Variants in NRXN3 observed in about 807,000 individuals in gnomAD.
NRXN3 encodes the protein neurexin 3.
A neutral mutation model predicts 137.6 loss-of-function variants in NRXN3; 32 were observed. That is an observed-to-expected ratio of 0.23 (90% CI 0.18 to 0.31). The LOEUF is 0.31. Ranked by LOEUF, NRXN3 falls within the 10% of genes least tolerant of loss-of-function variation. The pLI is 1.00. For synonymous variants in NRXN3, 798 were observed against 784.5 expected (o/e 1.02, Z -0.29); for missense variants, 1,574 against 2,062.5 (o/e 0.76, Z 4.59).
At chr14:78,625,779 A>G (rs558689450) in intron 4 of NRXN3, among the ~76,000 whole-genome samples, 6 of 152,314 alleles carry the variant, frequency 3.9e-5, no homozygotes, top group African/African-American at 1.4e-4. Context: ...GAAGGCATCA[A>G]TTGATGGATC....
At chr14:78,991,017 T>C (rs1435517876) in intron 15 of NRXN3, among the ~76,000 whole-genome samples, 1 of 152,210 alleles carries the variant, frequency 6.6e-6, no homozygotes, top group African/African-American at 2.4e-5. Flanking sequence ...CTTACCTTTG[T>C]TGATAAATTT....
chr14:78,536,173 G>A (rs1438391736), intron 4 of NRXN3, among the ~76,000 whole-genome samples: 1 of 152,142 alleles, frequency 6.6e-6, no homozygotes, highest in Non-Finnish European at 1.5e-5. Flanking sequence ...TAATGGATCT[G>A]CTTTGTATCC....
chr14:79,392,491 C>G (rs1178651972), intron 15 of NRXN3, among the ~76,000 whole-genome samples: 4 of 152,132 alleles, frequency 2.6e-5, no homozygotes, highest in African/African-American at 4.8e-5. Flanking sequence ...GATTTATAAT[C>G]CTTTGGGTAT....
At chr14:78,785,509 T>C (rs2153039495) in intron 8 of NRXN3, among the ~76,000 whole-genome samples, 1 of 152,310 alleles carries the variant, frequency 6.6e-6, no homozygotes, top group Non-Finnish European at 1.5e-5. Flanking sequence ...TTGTTCCCTG[T>C]AGACTCATAA....
At position 79,462,650 on chromosome 14, in the gene NRXN3, T is replaced by C. The variant is rs531234477; in HGVS notation, c.3263-4571T>C. 3.6e-4 allele frequency among the ~76,000 whole-genome samples: 54 copies of C among 151,032 alleles called. No homozygotes were observed. The South Asian group carries it at 5.7e-3, about 16-fold the overall frequency. On this transcript the variant is annotated intron_variant, in intron 15 of 20. Coordinates refer to ENST00000335750, the MANE Select transcript of NRXN3 (RefSeq NM_001330195.2). The stretch of plus-strand genomic sequence containing the variant: ...ACATACATATATTCACATATATATA[T>C]ACACACACACACAACCAATATTGTA...
intron 15 of NRXN3, among the ~76,000 whole-genome samples, chr14:79,286,530 A>G (rs2082277124): frequency 7.6e-6 from 1 of 130,904 alleles, no homozygotes; most frequent in Admixed American, 8.5e-5. Flanking sequence ...GATGATTGAG[A>G]GAATAATATA....
rs553469860 is a variant in NRXN3, at chr14:79,381,309, T to G, written c.3263-85912T>G. 5.3e-5 allele frequency among the ~76,000 whole-genome samples: 8 copies of G among 152,206 alleles called. No individual in the cohort carries two copies. In the East Asian group the frequency reaches 1.6e-3, roughly 30 times the overall value. On this transcript the variant is annotated intron_variant, in intron 15 of 20. Coordinates refer to ENST00000335750, the MANE Select transcript of NRXN3 (RefSeq NM_001330195.2). ...GGAGAGGTATATAGTGTTTCTCAAATTTATTTGCACATGAAATGCCTGTGG... is the reference window on the plus strand; with the variant it reads ...GGAGAGGTATATAGTGTTTCTCAAAGTTATTTGCACATGAAATGCCTGTGG...
chr14:78,921,154 G>A (rs560839500), intron 10 of NRXN3, among the ~76,000 whole-genome samples: 3 of 152,134 alleles, frequency 2.0e-5, no homozygotes, highest in Non-Finnish European at 4.4e-5. Context: ...TTTCATTAGG[G>A]ATCTTAAATA....
chr14:78,742,695 G>A (rs571226869), intron 8 of NRXN3, among the ~76,000 whole-genome samples: 1 of 152,142 alleles, frequency 6.6e-6, no homozygotes, highest in African/African-American at 2.4e-5. Flanking sequence ...GAATTTTGAC[G>A]GTATAATGAA....
chr14:79,842,773 C>T (rs2141489161), intron 20 of NRXN3, among the ~76,000 whole-genome samples: 1 of 152,128 alleles, frequency 6.6e-6, no homozygotes, highest in South Asian at 2.1e-4. Context: ...TCTGATTTAG[C>T]AAAAATCATG....
At chr14:78,724,139 G>A (rs1166604255) in intron 8 of NRXN3, among the ~76,000 whole-genome samples, 2 of 152,170 alleles carry the variant, frequency 1.3e-5, no homozygotes, top group African/African-American at 4.8e-5. Flanking sequence ...CTTGGAGATA[G>A]AAAAATCATA....
At chr14:79,367,148 TTATTTTTTG>T (rs1455629109) in intron 15 of NRXN3, among the ~76,000 whole-genome samples, 3 of 151,974 alleles carry the variant, frequency 2.0e-5, no homozygotes, top group African/African-American at 7.2e-5. Flanking sequence ...CACGCCTAGC[TTATTTTTTG>T]TATTTTTAGT....
At chr14:78,668,066 G>A (rs1018335236) in intron 6 of NRXN3, among the ~76,000 whole-genome samples, 2 of 152,278 alleles carry the variant, frequency 1.3e-5, no homozygotes, top group Admixed American at 1.3e-4. Flanking sequence ...GATTACAGGC[G>A]TGAGCCACCG....
intron 4 of NRXN3, among the ~76,000 whole-genome samples, chr14:78,399,471 G>A (rs1006323499): frequency 6.6e-6 from 1 of 152,130 alleles, no homozygotes; most frequent in Non-Finnish European, 1.5e-5. Context: ...GGCTCATTTT[G>A]GAAATACGAA....
chr14:78,771,830 C>T (rs537394988), intron 8 of NRXN3, among the ~76,000 whole-genome samples: 9 of 152,126 alleles, frequency 5.9e-5, no homozygotes, highest in South Asian at 2.1e-4. Flanking sequence ...CAGTATCTAC[C>T]GTAATTTATT....
In NRXN3 at chr14:79,621,268, C is replaced by T. The variant is rs547682457; in HGVS notation, c.3445-42510C>T. Among the ~76,000 whole-genome samples the T allele has an allele frequency of 9.9e-5, 15 of 152,222 alleles. No homozygotes were observed. In the South Asian group the frequency reaches 1.7e-3, roughly 17 times the overall value. On this transcript the variant is annotated intron_variant, in intron 16 of 20. Transcript: ENST00000335750. The stretch of plus-strand genomic sequence containing the variant: ...ATTACTAATCAGCACCCAACTATGC[C>T]GGGCACTTTTGTAGTTACACATTTG...
chr14:79,337,198 G>A (rs759187759), intron 15 of NRXN3, among the ~76,000 whole-genome samples: 7 of 152,102 alleles, frequency 4.6e-5, no homozygotes, highest in African/African-American at 1.7e-4. Context: ...ATCTGAGTCG[G>A]GACCTTCTTC....
intron 4 of NRXN3, among the ~76,000 whole-genome samples, chr14:78,569,898 G>A (rs150064051): frequency 1.4e-4 from 21 of 152,324 alleles, no homozygotes; most frequent in South Asian, 4.1e-4. Flanking sequence ...GCTTGCACCC[G>A]GAAACTGCAG....
chr14:78,232,780 A>G (rs977062399), intron 1 of NRXN3, among the ~76,000 whole-genome samples: 2 of 152,088 alleles, frequency 1.3e-5, no homozygotes, highest in East Asian at 1.9e-4. Flanking sequence ...ATTATAAATT[A>G]TTAACTCTCC....
Sources: gnomAD v4.1 joint callset for allele counts (sites outside exome capture counted in the v4.1 genomes callset) on GRCh38, gnomAD v4.1.1 for gene constraint, MANE v1.5 for transcripts, NCBI Gene and HGNC (gene_info 2026-07-23, HGNC 2026-07-21) for gene names.